EPB41L4A: variants seen among roughly 807,000 people sequenced by gnomAD.
EPB41L4A encodes erythrocyte membrane protein band 4.1 like 4A.
A neutral mutation model predicts 108.6 loss-of-function variants in EPB41L4A; 100 were observed. The ratio of observed to expected loss-of-function variants is 0.92; its 90% confidence interval spans 0.78 to 1.09. The LOEUF is 1.09. Ranked by LOEUF, EPB41L4A falls within the 50% of genes least tolerant of loss-of-function variation. The pLI, the probability that EPB41L4A is intolerant of heterozygous loss-of-function variation, is 0.00. For synonymous variants in EPB41L4A, 319 were observed against 289.0 expected, an observed-to-expected ratio of 1.10 and a Z score of -1.05; for missense variants, 1,030 against 842.7, an observed-to-expected ratio of 1.22 and a Z score of -2.75.
chr5:112,247,207 T>C (rs1252273509), intron 9 of EPB41L4A, among the ~76,000 whole-genome samples: 1 of 8,498 alleles, frequency 1.2e-4, no homozygotes, highest in African/African-American at 1.3e-4. Flanking sequence ...TCAATCTCCC[T>C]CCCACCACTG....
At chr5:112,294,735 G>C (rs1023579800) in intron 2 of EPB41L4A, among the ~76,000 whole-genome samples, 2 of 151,936 alleles carry the variant, frequency 1.3e-5, no homozygotes, top group African/African-American at 4.8e-5. Context: ...TAGTTCAGTG[G>C]AGCTACGGCG....
rs1762901635 is a variant in EPB41L4A, at chr5:112,419,012, C to T, written c.28G>A (p.Glu10Lys). ...AGGAGCAAAACTTCGCAGTAAAATT[C>T]TTCCGGAACAGCGCAGAAACAGCCC... MGCFCAVPE[E>K]FYCEVLLLDE... The change falls in exon 1 of 23, where the codon GAA becomes AAA. Residue 10 changes from glutamate to lysine, a missense_variant. Coordinates refer to ENST00000261486, the MANE Select transcript of EPB41L4A (RefSeq NM_022140.5). 6.2e-7 allele frequency: 1 copy of T among 1,613,712 alleles called. No homozygotes were observed. Among genetic ancestry groups the T allele is most frequent in the Non-Finnish European group, 8.5e-7 (1 of 1,179,742 alleles).
At chr5:112,143,779 G>A (rs1397311846) in exon 14 of EPB41L4A, 3 of 431,910 alleles carry the variant, frequency 6.9e-6, no homozygotes, top group South Asian at 3.3e-5. Context: ...TGAGTCACGT[G>A]TTAATACCTG....
chr5:112,148,186 T>C (rs1165921869), intron 12 of EPB41L4A, among the ~76,000 whole-genome samples: 1 of 147,906 alleles, frequency 6.8e-6, no homozygotes. Flanking sequence ...TATAATAATA[T>C]AATAGTATTA....
At chr5:112,151,441 T>A (rs1167921351) in intron 12 of EPB41L4A, among the ~76,000 whole-genome samples, 2 of 151,594 alleles carry the variant, frequency 1.3e-5, no homozygotes, top group Non-Finnish European at 2.9e-5. Flanking sequence ...AGAGTCCTGT[T>A]CTGTCGCCCC....
intron 2 of EPB41L4A, among the ~76,000 whole-genome samples, chr5:112,287,823 A>G (rs1753385167): frequency 6.6e-6 from 1 of 152,234 alleles, no homozygotes. Flanking sequence ...AAAATGTACC[A>G]AACGAACTGG....
intron 1 of EPB41L4A, among the ~76,000 whole-genome samples, chr5:112,351,416 A>G (rs1042725656): frequency 7.2e-5 from 11 of 152,216 alleles, no homozygotes; most frequent in Admixed American, 6.5e-5. Flanking sequence ...AGACTGACGT[A>G]CGAAGAAATA....
At chr5:112,153,576 TAGAGAG>T (rs67890908) in intron 12 of EPB41L4A, among the ~76,000 whole-genome samples, 13 of 147,476 alleles carry the variant, frequency 8.8e-5, no homozygotes, top group South Asian at 2.1e-4. Flanking sequence ...CATATATATA[TAGAGAG>T]AGAGAGAGAG....
chr5:112,184,539 A>G (rs1291875256), intron 17 of EPB41L4A, among the ~76,000 whole-genome samples: 3 of 152,248 alleles, frequency 2.0e-5, no homozygotes, highest in African/African-American at 7.2e-5. Flanking sequence ...ACTTTGAAAT[A>G]CTCTTAAAAA....
intron 15 of EPB41L4A, among the ~76,000 whole-genome samples, chr5:112,197,464 A>G (rs1762019213): frequency 6.6e-6 from 1 of 152,236 alleles, no homozygotes; most frequent in Non-Finnish European, 1.5e-5. Flanking sequence ...AAACACAATT[A>G]TACCGAAATT....
intron 4 of EPB41L4A, among the ~76,000 whole-genome samples, chr5:112,270,008 T>C (rs948268141): frequency 3.9e-5 from 6 of 152,216 alleles, no homozygotes; most frequent in Admixed American, 2.6e-4. Context: ...TTTCTATTTA[T>C]CTAATGTATG....
chr5:112,192,439 C>T (rs756965052), intron 17 of EPB41L4A, among the ~76,000 whole-genome samples: 8 of 152,144 alleles, frequency 5.3e-5, no homozygotes, highest in East Asian at 1.9e-4. Context: ...TATTTCTATA[C>T]GTAGCATAAA....
chr5:112,232,873 A>G (rs1215555275), intron 12 of EPB41L4A, among the ~76,000 whole-genome samples: 1 of 152,330 alleles, frequency 6.6e-6, no homozygotes, highest in East Asian at 1.9e-4. Context: ...CTCAAACAAG[A>G]TAATATCTGT....
At chr5:112,234,365 A>G (rs939798663) in intron 12 of EPB41L4A, among the ~76,000 whole-genome samples, 4 of 151,766 alleles carry the variant, frequency 2.6e-5, no homozygotes, top group African/African-American at 9.7e-5. Context: ...CTGGTGACAC[A>G]GCAAGATCCT....
At chr5:112,196,529 T>A (rs1761974491) in intron 15 of EPB41L4A, 1 of 152,226 alleles carries the variant, frequency 6.6e-6, no homozygotes, top group African/African-American at 2.4e-5. Context: ...ACCTGGCTAC[T>A]CTCCACCAGC....
At chr5:112,378,006 C>A (rs1270159150) in intron 1 of EPB41L4A, among the ~76,000 whole-genome samples, 1 of 152,144 alleles carries the variant, frequency 6.6e-6, no homozygotes. Flanking sequence ...TGCATAAACA[C>A]CAGGTCCAAA....
intron 11 of EPB41L4A, among the ~76,000 whole-genome samples, chr5:112,238,984 G>A (rs540040472): frequency 3.9e-5 from 6 of 152,174 alleles, no homozygotes; most frequent in Non-Finnish European, 7.3e-5. Context: ...TTTGCCTAAT[G>A]GTTATAAACA....
rs1479393788 is a variant in EPB41L4A at position 112,204,467 on chromosome 5, A to C, written c.1284T>G (p.Ser428Arg). The change falls in exon 15 of 23, where the codon AGT becomes AGG. Residue 428 changes from serine to arginine, a missense_variant. Coordinates refer to ENST00000261486, the MANE Select transcript of EPB41L4A (RefSeq NM_022140.5). ...GPQSGLYNSP[S>R]DRTKSPKFPY... is the part of the protein sequence containing the mutation. ...GGAACTTTGGCGACTTAGTGCGATCACTGGGAGAATTGTAGAGTCCACTGG... is the reference window on the plus strand; with the variant it reads ...GGAACTTTGGCGACTTAGTGCGATCCCTGGGAGAATTGTAGAGTCCACTGG... 4 of 1,613,276 alleles carry C rather than the reference A, an allele frequency of 2.5e-6. No individual in the cohort carries two copies. The highest frequency in any genetic ancestry group is 3.4e-6 in the Non-Finnish European group (4 of 1,179,352).
At chr5:112,182,975 T>G (rs542170848) in intron 18 of EPB41L4A, among the ~76,000 whole-genome samples, 3 of 152,286 alleles carry the variant, frequency 2.0e-5, no homozygotes, top group Non-Finnish European at 4.4e-5. Flanking sequence ...CAAAAGAAAG[T>G]CATCACTCAT....
Sources: gnomAD v4.1 joint callset for allele counts (sites outside exome capture counted in the v4.1 genomes callset) on GRCh38, gnomAD v4.1.1 for gene constraint, MANE v1.5 for transcripts, NCBI Gene and HGNC (gene_info 2026-07-23, HGNC 2026-07-21) for gene names.